The following ZNF565 variants were observed in gnomAD, a reference collection of about 807,000 sequenced individuals.
ZNF565 encodes zinc finger protein 565.
ZNF565 carries 27 observed loss-of-function variants against 39.4 expected under a neutral mutation model. That is an observed-to-expected ratio of 0.69 (90% CI 0.51 to 0.95). The LOEUF (loss-of-function observed/expected upper bound fraction) is 0.95, where lower values mean the gene tolerates loss of function less well. Ranked by LOEUF, ZNF565 falls within the 40% of genes least tolerant of loss-of-function variation. The probability of loss-of-function intolerance (pLI) is 0.00; values close to 1 mark genes in which losing one functional copy is unlikely to be tolerated. For synonymous variants in ZNF565, 185 were observed against 216.6 expected (o/e 0.85, Z 1.28); for missense variants, 524 against 621.1 (o/e 0.84, Z 1.66).
At chr19:36,190,392 C>A (rs1975485781) in intron 4 of ZNF565, among the ~76,000 whole-genome samples, 1 of 150,862 alleles carries the variant, frequency 6.6e-6, no homozygotes, top group Middle Eastern at 3.5e-3. Context: ...GTCTGACCAA[C>A]ATGGAGAAAC....
At chr19:36,191,762 T>TAATA (rs1304711256) in intron 4 of ZNF565, among the ~76,000 whole-genome samples, 1 of 152,082 alleles carries the variant, frequency 6.6e-6, no homozygotes, top group Non-Finnish European at 1.5e-5. Context: ...GAATTCCAAT[T>TAATA]AATAAATGGT....
chr19:36,213,860 A>G (rs370046490), intron 1 of ZNF565, among the ~76,000 whole-genome samples: 8 of 151,908 alleles, frequency 5.3e-5, no homozygotes, highest in African/African-American at 7.2e-5. Flanking sequence ...TCCAGTCACA[A>G]TATCTTTCCA....
intron 1 of ZNF565, among the ~76,000 whole-genome samples, chr19:36,241,431 C>T (rs1195447002): frequency 6.8e-6 from 1 of 147,640 alleles, no homozygotes; most frequent in Non-Finnish European, 1.5e-5. Flanking sequence ...TTGCAGTGAG[C>T]CGAGATCGTG....
chr19:36,196,672 G>A (rs1295334920), intron 2 of ZNF565, among the ~76,000 whole-genome samples: 1 of 152,102 alleles, frequency 6.6e-6, no homozygotes, highest in East Asian at 1.9e-4. Context: ...CAAATCTAAT[G>A]TCTTTCAAAA....
rs183998787 is a variant in ZNF565 at position 36,219,813 on chromosome 19, G to A, written c.56-17763C>T. 5.9e-3 allele frequency among the ~76,000 whole-genome samples: 899 copies of A among 152,186 alleles called. 10 individuals are homozygous for A. Among genetic ancestry groups the A allele is most frequent in the Non-Finnish European group, 7.9e-3 (534 of 68,010 alleles). Reference sequence around the variant, plus strand: ...TGTGTAAAAATGTAGTAGTCTATACGTTAAGAGAAACTTCTGGGAACAAAC... The same window carrying A: ...TGTGTAAAAATGTAGTAGTCTATACATTAAGAGAAACTTCTGGGAACAAAC... On this transcript the variant is annotated intron_variant, in intron 1 of 4. Coordinates refer to the ZNF565 transcript ENST00000355114.
chr19:36,185,213 G>C (rs1975245033), intron 4 of ZNF565, among the ~76,000 whole-genome samples: 1 of 151,252 alleles, frequency 6.6e-6, no homozygotes. Context: ...TCGGGTGTTC[G>C]AGATCAGCCT....
At chr19:36,226,573 A>AT (rs147959462) in intron 1 of ZNF565, among the ~76,000 whole-genome samples, 45 of 151,534 alleles carry the variant, frequency 3.0e-4, no homozygotes, top group Non-Finnish European at 4.7e-4. Flanking sequence ...AATGTGTATG[A>AT]TTTTTTTTTC....
intron 1 of ZNF565, among the ~76,000 whole-genome samples, chr19:36,240,869 CAAAA>C (rs72407392): frequency 3.0e-5 from 4 of 134,902 alleles, no homozygotes; most frequent in Non-Finnish European, 4.9e-5. Flanking sequence ...GACTCTATCT[CAAAA>C]AAAAAAAAAA....
At chr19:36,236,378 C>T in intron 1 of ZNF565, 1 of 1,527,944 alleles carries the variant, frequency 6.5e-7, no homozygotes, top group Non-Finnish European at 8.8e-7. Context: ...AAAGTAAATC[C>T]TCACTCATCA....
At position 36,214,659 on chromosome 19, in the gene ZNF565, G is replaced by A. The variant is rs1378403661; in HGVS notation, c.-103C>T. On this transcript the variant is annotated 5_prime_UTR_variant, in exon 1 of 5. Coordinates refer to ENST00000304116, the MANE Select transcript of ZNF565 (RefSeq NM_152477.5). ...CTGGTCGCGTCCGGGTCCTTGCGGA[G>A]CTAACTAGCTCGCCACGACGTCAAG... The A allele has an allele frequency of 1.3e-5, 2 of 152,780 alleles. No individual in the cohort carries two copies. The highest frequency in any genetic ancestry group is 4.8e-5 in the African/African-American group (2 of 41,444). The allele number at this position is 152,780 out of a possible 1,614,324, so 9.5% of individuals were successfully genotyped here.
At position 36,196,892 on chromosome 19, in the gene ZNF565, T is replaced by C. The variant is rs182613630; in HGVS notation, c.10-1736A>G. On this transcript the variant is annotated intron_variant, in intron 2 of 4. Transcript: ENST00000304116. ...GGCCAACATGGCGAAATCCTGTCTC[T>C]ACTAAATACAAAAAATTAGCTGCGC... Among the ~76,000 whole-genome samples, 47 of 151,872 alleles carry C rather than the reference T, an allele frequency of 3.1e-4. No homozygotes were observed. In the East Asian group the frequency reaches 7.9e-3, roughly 26 times the overall value.
intron 4 of ZNF565, among the ~76,000 whole-genome samples, chr19:36,192,195 G>T (rs1024093005): frequency 6.6e-6 from 1 of 151,674 alleles, no homozygotes; most frequent in African/African-American, 2.4e-5. Context: ...CACCATATTG[G>T]CCAGGCTGGT....
chr19:36,233,964 A>G (rs1977522902), intron 1 of ZNF565, among the ~76,000 whole-genome samples: 1 of 150,840 alleles, frequency 6.6e-6, no homozygotes, highest in African/African-American at 2.5e-5. Context: ...GCGGGGCCAT[A>G]TTTCAGACTA....
intron 1 of ZNF565, among the ~76,000 whole-genome samples, chr19:36,207,229 A>G (rs1976188274): frequency 1.3e-5 from 2 of 152,180 alleles, no homozygotes; most frequent in Admixed American, 1.3e-4. Flanking sequence ...TTTAAAGCCA[A>G]GGAATGGCAT....
intron 1 of ZNF565, among the ~76,000 whole-genome samples, chr19:36,242,168 T>C (rs1369755186): frequency 6.6e-6 from 1 of 152,050 alleles, no homozygotes; most frequent in East Asian, 1.9e-4. Context: ...TCCCAGCACT[T>C]TGGGAGGCCG....
At chr19:36,198,023 C>T (rs1462366784) in intron 2 of ZNF565, among the ~76,000 whole-genome samples, 5 of 152,020 alleles carry the variant, frequency 3.3e-5, no homozygotes, top group African/African-American at 1.2e-4. Context: ...GTAGCGTGCG[C>T]CTGTAATCCC....
chr19:36,227,681 A>G (rs1361600351), intron 1 of ZNF565, among the ~76,000 whole-genome samples: 1 of 152,136 alleles, frequency 6.6e-6, no homozygotes, highest in Non-Finnish European at 1.5e-5. Flanking sequence ...CAGCCTCTTA[A>G]GTAGCTGAGA....
chr19:36,191,314 C>CTTT (rs768603825), intron 4 of ZNF565, among the ~76,000 whole-genome samples: 1,846 of 124,970 alleles, frequency 0.015, 24 homozygotes, highest in South Asian at 0.052. Flanking sequence ...ATTTTTCTTT[C>CTTT]TTTTTTTTTT....
chr19:36,232,592 GTTCTTTT>G (rs780038978), intron 1 of ZNF565, among the ~76,000 whole-genome samples: 69 of 149,138 alleles, frequency 4.6e-4, no homozygotes, highest in Admixed American at 1.1e-3. Flanking sequence ...ATACTGATCA[GTTCTTTT>G]TTCTTTTTTC....
Sources: allele counts gnomAD v4.1 joint callset (sites outside exome capture counted in the v4.1 genomes callset), GRCh38; gene constraint gnomAD v4.1.1; transcripts MANE v1.5; gene names NCBI Gene and HGNC (gene_info 2026-07-23, HGNC 2026-07-21).